The following HS6ST3 variants were observed in gnomAD, a reference collection of about 807,000 sequenced individuals.
HS6ST3 encodes the protein heparan sulfate 6-O-sulfotransferase 3.
HS6ST3 carries 12 observed loss-of-function variants against 36.7 expected under a neutral mutation model. That is an observed-to-expected ratio of 0.33 (90% CI 0.21 to 0.53). The LOEUF (loss-of-function observed/expected upper bound fraction) is 0.53. HS6ST3 is among the 20% of genes least tolerant of loss of function. HS6ST3 has a pLI of 0.95. For missense variants in HS6ST3, 584 were observed against 640.9 expected (o/e 0.91, Z 0.96); for synonymous variants, 240 against 257.5 (o/e 0.93, Z 0.65).
At chr13:96,225,011 T>G (rs2054473504) in intron 1 of HS6ST3, among the ~76,000 whole-genome samples, 1 of 152,224 alleles carries the variant, frequency 6.6e-6, no homozygotes, top group South Asian at 2.1e-4. Flanking sequence ...AATGCATGGT[T>G]TGTGCACCAC....
chr13:96,819,214 T>C (rs1431414235), intron 1 of HS6ST3, among the ~76,000 whole-genome samples: 1 of 152,130 alleles, frequency 6.6e-6, no homozygotes, highest in East Asian at 1.9e-4. Context: ...AATGACAGAA[T>C]AAGACTTTCA....
chr13:96,368,185 G>C (rs898440471), intron 1 of HS6ST3, among the ~76,000 whole-genome samples: 2 of 152,046 alleles, frequency 1.3e-5, no homozygotes, highest in African/African-American at 4.8e-5. Context: ...ACTAACTCTA[G>C]GTTCTTATTC....
chr13:96,469,198 T>G (rs1319942966), intron 1 of HS6ST3, among the ~76,000 whole-genome samples: 1 of 152,192 alleles, frequency 6.6e-6, no homozygotes, highest in Non-Finnish European at 1.5e-5. Context: ...TAATGCAGAT[T>G]TCTTTGAAAA....
intron 1 of HS6ST3, among the ~76,000 whole-genome samples, chr13:96,819,862 T>A (rs912246377): frequency 6.6e-6 from 1 of 152,078 alleles, no homozygotes; most frequent in African/African-American, 2.4e-5. Flanking sequence ...GAGACCAGTC[T>A]GTCACATGGT....
intron 1 of HS6ST3, among the ~76,000 whole-genome samples, chr13:96,225,965 G>A (rs2054478280): frequency 6.6e-6 from 1 of 152,126 alleles, no homozygotes; most frequent in African/African-American, 2.4e-5. Flanking sequence ...TCTTGCCAAT[G>A]ACTCACTGAT....
chr13:96,706,457 G>A (rs1183846561), intron 1 of HS6ST3, among the ~76,000 whole-genome samples: 2 of 131,072 alleles, frequency 1.5e-5, no homozygotes, highest in Non-Finnish European at 3.1e-5. Context: ...GGAAAGTAGC[G>A]TTTGGTTTAA....
Position 96,561,008 on chromosome 13 carries a change from A to G in HS6ST3, c.708-271482A>G, listed in dbSNP as rs191502145. ...CAACACTATTTCTATCAAGCTACCAATGACATTTTTCACAGAACTGGAAAA... is the reference window on the plus strand; with the variant it reads ...CAACACTATTTCTATCAAGCTACCAGTGACATTTTTCACAGAACTGGAAAA... On this transcript the variant is annotated intron_variant, in intron 1 of 1. Transcript: ENST00000376705. Among the ~76,000 whole-genome samples, 101 of 152,282 alleles carry G rather than the reference A, an allele frequency of 6.6e-4. 2 individuals carry two copies. In the East Asian group the frequency reaches 0.018, roughly 27 times the overall value.
chr13:96,260,295 C>T (rs924807114), intron 1 of HS6ST3, among the ~76,000 whole-genome samples: 1 of 142,546 alleles, frequency 7.0e-6, no homozygotes, highest in Admixed American at 7.1e-5. Flanking sequence ...CCCTCCCTCC[C>T]TACTTTTTTC....
chr13:96,568,007 T>C (rs1401122937), intron 1 of HS6ST3, among the ~76,000 whole-genome samples: 1 of 152,196 alleles, frequency 6.6e-6, no homozygotes, highest in Non-Finnish European at 1.5e-5. Context: ...AACAAGAACT[T>C]TCATATACAG....
At chr13:96,717,612 C>T (rs1373167436) in intron 1 of HS6ST3, among the ~76,000 whole-genome samples, 1 of 152,166 alleles carries the variant, frequency 6.6e-6, no homozygotes, top group Non-Finnish European at 1.5e-5. Flanking sequence ...TTACTAAGTA[C>T]TGTGTCAGGT....
At chr13:96,804,323 G>T (rs565670667) in intron 1 of HS6ST3, among the ~76,000 whole-genome samples, 29 of 152,222 alleles carry the variant, frequency 1.9e-4, no homozygotes, top group African/African-American at 5.8e-4. Context: ...CCTTTACGTG[G>T]CTTCTGAGGC....
chr13:96,606,833 A>C (rs1412130603), intron 1 of HS6ST3, among the ~76,000 whole-genome samples: 1 of 152,234 alleles, frequency 6.6e-6, no homozygotes, highest in Non-Finnish European at 1.5e-5. Flanking sequence ...AACTACAAGG[A>C]AGACAAGAAT....
chr13:96,663,403 A>G (rs564449592), intron 1 of HS6ST3, among the ~76,000 whole-genome samples: 19 of 152,302 alleles, frequency 1.2e-4, no homozygotes, highest in African/African-American at 4.6e-4. Flanking sequence ...ATAATAAAGT[A>G]CCAAACATCA....
chr13:96,505,782 T>C (rs1471336150), intron 1 of HS6ST3, among the ~76,000 whole-genome samples: 2 of 152,152 alleles, frequency 1.3e-5, no homozygotes, highest in Non-Finnish European at 2.9e-5. Flanking sequence ...AAAAACTGTA[T>C]GTCACATTAA....
chr13:96,476,087 AT>A (rs1566371835), intron 1 of HS6ST3, among the ~76,000 whole-genome samples: 1 of 152,174 alleles, frequency 6.6e-6, no homozygotes, highest in African/African-American at 2.4e-5. Context: ...AGGTAGCTAC[AT>A]TTCTGTTAAA....
At chr13:96,386,178 G>A (rs1198660625) in intron 1 of HS6ST3, among the ~76,000 whole-genome samples, 2 of 152,224 alleles carry the variant, frequency 1.3e-5, no homozygotes, top group African/African-American at 4.8e-5. Context: ...GCCCTCAGGG[G>A]CGAAGCAACA....
At chr13:96,761,617 G>A (rs770589561) in intron 1 of HS6ST3, among the ~76,000 whole-genome samples, 7 of 152,024 alleles carry the variant, frequency 4.6e-5, no homozygotes, top group East Asian at 1.9e-4. Context: ...TCCAGAGGCC[G>A]TCATCACTCA....
At chr13:96,186,069 T>G (rs1354434788) in intron 1 of HS6ST3, among the ~76,000 whole-genome samples, 2 of 152,218 alleles carry the variant, frequency 1.3e-5, no homozygotes, top group Non-Finnish European at 2.9e-5. Flanking sequence ...TAAATACATT[T>G]ATATGCATAT....
chr13:96,213,518 T>G (rs1041383776), intron 1 of HS6ST3, among the ~76,000 whole-genome samples: 1 of 143,312 alleles, frequency 7.0e-6, no homozygotes, highest in Non-Finnish European at 1.5e-5. Flanking sequence ...ACTGCCTCTG[T>G]GTAGGACAAT....
Sources: allele counts gnomAD v4.1 joint callset (sites outside exome capture counted in the v4.1 genomes callset), GRCh38; gene constraint gnomAD v4.1.1; transcripts MANE v1.5; gene names NCBI Gene and HGNC (gene_info 2026-07-23, HGNC 2026-07-21).